Variants in MAGI2 observed in about 807,000 individuals in gnomAD.
MAGI2 encodes membrane associated guanylate kinase, WW and PDZ domain containing 2.
In MAGI2, 35 loss-of-function variants were observed where a neutral mutation model predicts 133.3. The observed-to-expected ratio is 0.26, with a 90% confidence interval of 0.20 to 0.35. The LOEUF is 0.35. Ranked by LOEUF, MAGI2 falls within the 10% of genes least tolerant of loss-of-function variation. The pLI is 1.00. For synonymous variants in MAGI2, 729 were observed against 710.6 expected (o/e 1.03, Z -0.41); for missense variants, 1,636 against 1,863.4 (o/e 0.88, Z 2.25).
chr7:79,430,623 C>T (rs1847715463), intron 1 of MAGI2, among the ~76,000 whole-genome samples: 2 of 152,182 alleles, frequency 1.3e-5, no homozygotes, highest in African/African-American at 4.8e-5. Context: ...ATTACCTAAT[C>T]ATCTCCAAAA....
chr7:79,276,781 T>C (rs1835258813), intron 1 of MAGI2, among the ~76,000 whole-genome samples: 1 of 152,050 alleles, frequency 6.6e-6, no homozygotes, highest in African/African-American at 2.4e-5. Context: ...CTGGACAACA[T>C]GGCGAAACCT....
At chr7:78,408,366 G>A (rs1797578668) in intron 6 of MAGI2, among the ~76,000 whole-genome samples, 1 of 151,988 alleles carries the variant, frequency 6.6e-6, no homozygotes, top group South Asian at 2.1e-4. Context: ...ATTATAATAT[G>A]TTGTAAGCTA....
chr7:78,253,637 A>G (rs1792661655), intron 10 of MAGI2: 1 of 152,232 alleles, frequency 6.6e-6, no homozygotes, highest in Non-Finnish European at 1.5e-5. Flanking sequence ...CTGTGACTAT[A>G]CATACAAACA....
chr7:78,873,611 A>G (rs1346740332), intron 2 of MAGI2, among the ~76,000 whole-genome samples: 1 of 152,120 alleles, frequency 6.6e-6, no homozygotes, highest in African/African-American at 2.4e-5. Flanking sequence ...TTGTATAATT[A>G]TTTCATTATA....
intron 5 of MAGI2, among the ~76,000 whole-genome samples, chr7:78,494,843 A>C (rs979975865): frequency 6.6e-6 from 1 of 152,188 alleles, no homozygotes; most frequent in Non-Finnish European, 1.5e-5. Context: ...CAAATAGCCA[A>C]TTCTGAATCT....
At chr7:78,132,480 C>G (rs1314511458) in intron 18 of MAGI2, among the ~76,000 whole-genome samples, 2 of 152,214 alleles carry the variant, frequency 1.3e-5, no homozygotes, top group Non-Finnish European at 2.9e-5. Context: ...CCCCAGCCAC[C>G]CTCACTGGCT....
At chr7:78,920,102 C>G (rs1425476715) in intron 2 of MAGI2, among the ~76,000 whole-genome samples, 2 of 152,040 alleles carry the variant, frequency 1.3e-5, no homozygotes, top group African/African-American at 4.8e-5. Context: ...TACTAAGCCT[C>G]TATGAAGAAT....
At chr7:79,135,541 G>T (rs1257431970) in intron 1 of MAGI2, among the ~76,000 whole-genome samples, 2 of 152,118 alleles carry the variant, frequency 1.3e-5, no homozygotes, top group African/African-American at 4.8e-5. Context: ...AGACTAAATG[G>T]TGAATTCGGC....
intron 6 of MAGI2, among the ~76,000 whole-genome samples, chr7:78,401,979 T>C (rs1427699309): frequency 6.6e-6 from 1 of 152,114 alleles, no homozygotes; most frequent in East Asian, 1.9e-4. Flanking sequence ...CTAAGTCCTA[T>C]TCAACCTCTA....
intron 21 of MAGI2, among the ~76,000 whole-genome samples, chr7:78,031,942 T>C (rs2151062532): frequency 6.6e-6 from 1 of 150,968 alleles, no homozygotes; most frequent in East Asian, 2.0e-4. Flanking sequence ...ACTTCTAGAC[T>C]AAGGCCTCAT....
At chr7:79,315,015 T>G (rs1465082485) in intron 1 of MAGI2, among the ~76,000 whole-genome samples, 1 of 152,168 alleles carries the variant, frequency 6.6e-6, no homozygotes, top group Non-Finnish European at 1.5e-5. Flanking sequence ...ATAAATCACT[T>G]ATTGTTTAGG....
At chr7:78,231,628 A>C (rs888145477) in intron 10 of MAGI2, among the ~76,000 whole-genome samples, 3 of 152,210 alleles carry the variant, frequency 2.0e-5, no homozygotes, top group African/African-American at 7.2e-5. Context: ...TGTTACTGGC[A>C]CCATCTTCAA....
At chr7:79,065,230 T>C (rs1343987003) in intron 1 of MAGI2, among the ~76,000 whole-genome samples, 2 of 152,122 alleles carry the variant, frequency 1.3e-5, no homozygotes, top group Non-Finnish European at 2.9e-5. Context: ...TTTTATGATC[T>C]CTACAGGTTA....
intron 1 of MAGI2, among the ~76,000 whole-genome samples, chr7:79,145,647 A>G (rs933638370): frequency 3.3e-5 from 5 of 152,150 alleles, no homozygotes; most frequent in Non-Finnish European, 7.4e-5. Context: ...TCGTGTTCAC[A>G]TTGTCTGTTT....
At position 78,177,435 on chromosome 7, in the gene MAGI2, CACACACACACAG is replaced by C. The variant is rs1164430538; in HGVS notation, c.2403+564_2403+575del. On this transcript the variant is annotated intron_variant, in intron 14 of 21. Transcript: ENST00000354212. ...GAATACGCGCACACACACACACACA[CACACACACACAG>C]ACACACACACACATACACACACACA... Among the ~76,000 whole-genome samples, 698 of 151,294 alleles carry C rather than the reference CACACACACACAG, an allele frequency of 4.6e-3. 5 individuals are homozygous for C. The highest frequency in any genetic ancestry group is 0.016 in the African/African-American group (663 of 40,800).
intron 2 of MAGI2, among the ~76,000 whole-genome samples, chr7:78,944,366 C>T (rs1801233631): frequency 6.6e-6 from 1 of 152,126 alleles, no homozygotes. Flanking sequence ...ATCTTTTCCC[C>T]CAAGTTTTCC....
intron 1 of MAGI2, among the ~76,000 whole-genome samples, chr7:79,136,551 A>G (rs1328392521): frequency 6.6e-6 from 1 of 152,206 alleles, no homozygotes; most frequent in Non-Finnish European, 1.5e-5. Flanking sequence ...CTTTTAGCCC[A>G]GGGAAGAAAT....
rs1789085692 is a variant in MAGI2, at chr7:78,330,629, A to AAAAAAG, written c.1408+13148_1408+13149insCTTTTT. On this transcript the variant is annotated intron_variant, in intron 9 of 21. Transcript: ENST00000354212. The stretch of plus-strand genomic sequence containing the variant: ...AGACTCCGTCTCAAAAAAAAAAAAA[A>AAAAAAG]AAAAAAAAAAAAAAAGAAAGATTCC... 4.0e-5 allele frequency among the ~76,000 whole-genome samples: 6 copies of AAAAAAG among 150,216 alleles called. 2 individuals carry two copies. The highest frequency in any genetic ancestry group is 1.2e-4 in the African/African-American group (5 of 40,728).
intron 1 of MAGI2, among the ~76,000 whole-genome samples, chr7:79,396,332 G>A (rs1845054459): frequency 6.6e-6 from 1 of 152,156 alleles, no homozygotes; most frequent in African/African-American, 2.4e-5. Context: ...GGGTAGCAGA[G>A]CCATAGAACA....
Sources: gnomAD v4.1 joint callset for allele counts (sites outside exome capture counted in the v4.1 genomes callset) on GRCh38, gnomAD v4.1.1 for gene constraint, MANE v1.5 for transcripts, NCBI Gene and HGNC (gene_info 2026-07-23, HGNC 2026-07-21) for gene names.